Variants in ZCCHC14 observed in about 807,000 individuals in gnomAD.
ZCCHC14 encodes zinc finger CCHC-type containing 14, also known as zinc finger CCHC domain-containing protein 14.
A neutral mutation model predicts 85.0 loss-of-function variants in ZCCHC14; 16 were observed. The observed-to-expected ratio is 0.19, with a 90% confidence interval of 0.13 to 0.29. ZCCHC14 has a LOEUF of 0.29. Ranked by LOEUF, ZCCHC14 falls within the 10% of genes least tolerant of loss-of-function variation. The pLI is 1.00. For missense variants in ZCCHC14, 1,303 were observed against 1,443.5 expected, an observed-to-expected ratio of 0.90 and a Z score of 1.58; for synonymous variants, 775 against 630.7, an observed-to-expected ratio of 1.23 and a Z score of -3.43.
chr16:87,432,857 A>G (rs2150737924), intron 3 of ZCCHC14, among the ~76,000 whole-genome samples: 1 of 152,220 alleles, frequency 6.6e-6, no homozygotes, highest in South Asian at 2.1e-4. Flanking sequence ...CAGTTCTGCT[A>G]TTTAGCCCCC....
intron 2 of ZCCHC14, among the ~76,000 whole-genome samples, chr16:87,437,793 A>G (rs185182467): frequency 6.6e-6 from 1 of 152,348 alleles, no homozygotes; most frequent in Admixed American, 6.5e-5. Flanking sequence ...ATCGACTATC[A>G]TTTTATAATT....
intron 1 of ZCCHC14, chr16:87,470,734 G>A (rs1911739427): frequency 6.6e-6 from 1 of 152,208 alleles, no homozygotes; most frequent in Admixed American, 6.5e-5. Flanking sequence ...TGAATATTAT[G>A]CAGTCTTAAA....
intron 2 of ZCCHC14, among the ~76,000 whole-genome samples, chr16:87,440,055 C>A (rs1424351434): frequency 6.6e-6 from 1 of 152,234 alleles, no homozygotes; most frequent in Non-Finnish European, 1.5e-5. Context: ...AATCCTCCTG[C>A]CTCAGCTTTC....
At chr16:87,413,410 C>T (rs984872125) in intron 10 of ZCCHC14, among the ~76,000 whole-genome samples, 2 of 152,230 alleles carry the variant, frequency 1.3e-5, no homozygotes, top group African/African-American at 4.8e-5. Context: ...AGCCAGGGCC[C>T]TGCCGGCCCC....
At chr16:87,455,116 C>T (rs1382299449) in intron 2 of ZCCHC14, among the ~76,000 whole-genome samples, 1 of 152,162 alleles carries the variant, frequency 6.6e-6, no homozygotes, top group African/African-American at 2.4e-5. Context: ...TGGAGAAACC[C>T]CATCTCTACT....
rs1200781303 is a variant in ZCCHC14, at chr16:87,410,163, G to A, written c.*117C>T. The stretch of plus-strand genomic sequence containing the variant: ...AGATTTTCTATCCAGTCTAGGAAAA[G>A]TAAAGCACCTTTGGATTAAAAAGAT... On this transcript the variant is annotated 3_prime_UTR_variant, in exon 13 of 13. Coordinates refer to ENST00000671377, the MANE Select transcript of ZCCHC14 (RefSeq NM_015144.3). 7 of 568,284 alleles carry A rather than the reference G, an allele frequency of 1.2e-5. No homozygotes were observed. The highest frequency in any genetic ancestry group is 1.2e-4 in the African/African-American group (6 of 51,822). The allele number at this position is 568,284 out of a possible 1,614,324, so 35.2% of individuals were successfully genotyped here.
chr16:87,480,221 G>C (rs1470205164), intron 1 of ZCCHC14, among the ~76,000 whole-genome samples: 1 of 152,052 alleles, frequency 6.6e-6, no homozygotes, highest in African/African-American at 2.4e-5. Flanking sequence ...GGCTAACACG[G>C]TGAAACTCCG....
intron 1 of ZCCHC14, among the ~76,000 whole-genome samples, chr16:87,470,136 CAGCCTGGGCAA>C (rs1397027168): frequency 3.3e-5 from 5 of 151,906 alleles, no homozygotes; most frequent in Non-Finnish European, 5.9e-5. Flanking sequence ...AGTTCAAGAC[CAGCCTGGGCAA>C]CATAGTGAGA....
intron 1 of ZCCHC14, chr16:87,467,183 G>A (rs534654360): frequency 2.6e-5 from 36 of 1,378,878 alleles, no homozygotes; most frequent in East Asian, 9.2e-5. Flanking sequence ...CTCCTCTGGC[G>A]GGAGAAGACT....
chr16:87,488,653 C>T (rs987245174), intron 1 of ZCCHC14, among the ~76,000 whole-genome samples: 1 of 152,216 alleles, frequency 6.6e-6, no homozygotes, highest in African/African-American at 2.4e-5. Flanking sequence ...CATACCTCAC[C>T]TACAGCCTCT....
intron 1 of ZCCHC14, among the ~76,000 whole-genome samples, chr16:87,490,494 A>G (rs1912703868): frequency 6.6e-6 from 1 of 152,236 alleles, no homozygotes; most frequent in South Asian, 2.1e-4. Flanking sequence ...GGGCTGTTCA[A>G]AATAGCTGGA....
At chr16:87,424,881 C>A (rs1487918326) in intron 3 of ZCCHC14, among the ~76,000 whole-genome samples, 6 of 152,120 alleles carry the variant, frequency 3.9e-5, no homozygotes, top group Non-Finnish European at 7.4e-5. Flanking sequence ...CCACAAGAAG[C>A]TGGGGGATTT....
At chr16:87,484,039 A>C (rs1371817126) in intron 1 of ZCCHC14, among the ~76,000 whole-genome samples, 1 of 152,242 alleles carries the variant, frequency 6.6e-6, no homozygotes, top group Non-Finnish European at 1.5e-5. Context: ...TGCCAAGAGA[A>C]GACCAGGAGG....
chr16:87,432,696 T>C (rs1909722205), intron 3 of ZCCHC14, among the ~76,000 whole-genome samples: 1 of 152,182 alleles, frequency 6.6e-6, no homozygotes, highest in Non-Finnish European at 1.5e-5. Context: ...CCTGATTCTT[T>C]GTGGTACCCA....
At chr16:87,428,611 T>C (rs1237962669) in intron 3 of ZCCHC14, among the ~76,000 whole-genome samples, 2 of 152,152 alleles carry the variant, frequency 1.3e-5, no homozygotes, top group East Asian at 3.8e-4. Context: ...TTTAAAGGGG[T>C]CCATCTGCTG....
chr16:87,459,144 A>G (rs1207800109), intron 2 of ZCCHC14, among the ~76,000 whole-genome samples: 1 of 152,176 alleles, frequency 6.6e-6, no homozygotes, highest in African/African-American at 2.4e-5. Flanking sequence ...CGTGTACGTT[A>G]AAGAAAAATA....
chr16:87,415,588 TC>T (rs983319399), intron 8 of ZCCHC14, among the ~76,000 whole-genome samples: 2 of 152,118 alleles, frequency 1.3e-5, no homozygotes, highest in African/African-American at 4.8e-5. Flanking sequence ...AGCAAGAGTG[TC>T]CCCGGCTCCT....
rs1283592336 is a variant in ZCCHC14 at position 87,491,688 on chromosome 16, G to A, written c.551C>T (p.Thr184Ile). The change falls in exon 1 of 13, where the codon ACT becomes ATT. Residue 184 changes from threonine (T) to isoleucine (I), a missense_variant. Transcript: ENST00000671377. This position sits in a 1 kb window ranked among gnomAD's most constrained non-coding sequence, Gnocchi z 5.9. ...GAPGPGGALPTCPACHKITPR... is the reference protein window; with the variant it reads ...GAPGPGGALPICPACHKITPR... ...ACGCACCTTGTGGCAGGCTGGGCAA[G>A]TGGGCAGCGCGCCGCCCGGCCCGGG... 2.8e-6 allele frequency: 4 copies of A among 1,422,588 alleles called. No homozygotes were observed. Among genetic ancestry groups the A allele is most frequent in the South Asian group, 1.5e-5 (1 of 65,504 alleles). The allele number at this position is 1,422,588 out of a possible 1,614,324, so 88.1% of individuals were successfully genotyped here.
chr16:87,477,637 C>G (rs575413657), intron 1 of ZCCHC14, among the ~76,000 whole-genome samples: 53 of 152,354 alleles, frequency 3.5e-4, no homozygotes, highest in African/African-American at 1.3e-3. Context: ...CCCTCTGTGT[C>G]TGTTTTCTTA....
Sources: allele counts gnomAD v4.1 joint callset (sites outside exome capture counted in the v4.1 genomes callset), GRCh38; gene constraint gnomAD v4.1.1; non-coding constraint Gnocchi (gnomAD v3.1); transcripts MANE v1.5; gene names NCBI Gene and HGNC (gene_info 2026-07-23, HGNC 2026-07-21).